The following PTPRC variants were observed in gnomAD, a reference collection of about 807,000 sequenced individuals.
PTPRC encodes the protein protein tyrosine phosphatase receptor type C.
Under a neutral mutation model 155.9 loss-of-function variants are expected in PTPRC, and 44 were observed. The observed-to-expected ratio is 0.28, with a 90% CI of 0.22 to 0.36. The LOEUF is 0.36. Ranked by LOEUF, PTPRC falls within the 10% of genes least tolerant of loss-of-function variation. PTPRC has a pLI of 1.00. For missense variants in PTPRC, 1,401 were observed against 1,564.6 expected (o/e 0.90, Z 1.76); for synonymous variants, 525 against 533.1 (o/e 0.98, Z 0.21).
chr1:198,685,343 C>T (rs2148316), intron 2 of PTPRC, among the ~76,000 whole-genome samples: 2,549 of 151,822 alleles, frequency 0.017, 68 homozygotes, highest in African/African-American at 0.059. Context: ...ATAAATAATG[C>T]TAACTCATTG....
At chr1:198,676,101 G>C (rs1664935517) in intron 2 of PTPRC, among the ~76,000 whole-genome samples, 1 of 151,448 alleles carries the variant, frequency 6.6e-6, no homozygotes. Flanking sequence ...ACTTGTAAAA[G>C]TTGTTGTTGT....
In PTPRC at chr1:198,716,813, A is replaced by C; in HGVS notation, c.1423A>C (p.Met475Leu). Residue 475 changes from methionine (M) to leucine (L), a missense_variant, in exon 13 of 33, where the codon ATG (methionine) becomes CTG (leucine). Physicochemically the swap from Met to Leu is conservative, Grantham distance 15. Coordinates refer to ENST00000442510, the MANE Select transcript of PTPRC (RefSeq NM_002838.5). ...AGTGCAACGTAATGGAAGTGCTGCA[A>C]TGTGTCATTTCACAACTAAAAGTGC... ...AKVQRNGSAAMCHFTTKSAPP... is the reference protein window; with the variant it reads ...AKVQRNGSAALCHFTTKSAPP... 1 of 1,613,676 alleles carries C rather than the reference A, an allele frequency of 6.2e-7. No homozygotes were observed. The highest frequency in any genetic ancestry group is 8.5e-7 in the Non-Finnish European group (1 of 1,179,934).
At chr1:198,729,904 G>A (rs1571876501) in intron 17 of PTPRC, among the ~76,000 whole-genome samples, 1 of 152,224 alleles carries the variant, frequency 6.6e-6, no homozygotes, top group Non-Finnish European at 1.5e-5. Context: ...GTGGTGGAGG[G>A]ACGAGTGGAT....
intron 32 of PTPRC, 53 bp downstream of exon 32, chr1:198,754,457 T>C (rs1655534047): frequency 1.3e-6 from 2 of 1,598,060 alleles, no homozygotes; most frequent in Non-Finnish European, 8.6e-7. Flanking sequence ...TTTTTTCTTT[T>C]TGACGGTTTC....
intron 2 of PTPRC, among the ~76,000 whole-genome samples, chr1:198,682,837 A>G (rs756288887): frequency 3.9e-5 from 6 of 152,204 alleles, no homozygotes; most frequent in African/African-American, 1.4e-4. Context: ...AAAAATAAGA[A>G]TCTACCCCTT....
intron 26 of PTPRC, among the ~76,000 whole-genome samples, chr1:198,747,077 A>G (rs1236506701): frequency 6.6e-6 from 1 of 151,778 alleles, no homozygotes; most frequent in Admixed American, 6.6e-5. Flanking sequence ...AGTTTCAGTT[A>G]TTTGTAACAT....
At chr1:198,669,256 T>A (rs1471893172) in intron 2 of PTPRC, among the ~76,000 whole-genome samples, 1 of 152,166 alleles carries the variant, frequency 6.6e-6, no homozygotes, top group Non-Finnish European at 1.5e-5. Context: ...ATGCTTAGTG[T>A]TGTTTACCCT....
chr1:198,652,669 CTG>C, intron 2 of PTPRC, among the ~76,000 whole-genome samples: 1 of 151,248 alleles, frequency 6.6e-6, no homozygotes, highest in East Asian at 1.9e-4. Context: ...ATGTGAATAG[CTG>C]TGATTCCTCC....
At chr1:198,692,946 C>T in intron 3 of PTPRC, 7 of 915,194 alleles carry the variant, frequency 7.6e-6, no homozygotes, top group Non-Finnish European at 9.1e-6. Context: ...CAAATAAATT[C>T]ATACATAGTA....
chr1:198,652,582 G>A (rs61829718), intron 2 of PTPRC, among the ~76,000 whole-genome samples: 1 of 146,762 alleles, frequency 6.8e-6, no homozygotes, highest in Admixed American at 6.7e-5. Flanking sequence ...TTTTTTTTTG[G>A]TCATTGTTTC....
chr1:198,684,088 C>T (rs1665488020), intron 2 of PTPRC, among the ~76,000 whole-genome samples: 1 of 151,626 alleles, frequency 6.6e-6, no homozygotes, highest in African/African-American at 2.4e-5. Context: ...TTCAATTTGA[C>T]CATCATTGCA....
At chr1:198,752,845 T>A in intron 31 of PTPRC, 73 bp downstream of exon 31, 1 of 1,506,338 alleles carries the variant, frequency 6.6e-7, no homozygotes, top group Non-Finnish European at 9.2e-7. Context: ...TTGTCTTATC[T>A]AGTTATCCTC....
chr1:198,751,192 T>TATCA (rs1267325889), intron 29 of PTPRC, among the ~76,000 whole-genome samples: 1 of 152,082 alleles, frequency 6.6e-6, no homozygotes, highest in East Asian at 1.9e-4. Context: ...AATGTATCTA[T>TATCA]ATCATCCTTT....
intron 26 of PTPRC, 109 bp from the exon 27 acceptor site, chr1:198,748,000 A>C (rs1457750358): frequency 6.7e-7 from 1 of 1,482,826 alleles, no homozygotes; most frequent in African/African-American, 1.4e-5. Flanking sequence ...GAGCATATGC[A>C]AATTTCACAA....
chr1:198,742,626 A>C (rs1038486600), intron 25 of PTPRC, among the ~76,000 whole-genome samples: 6 of 151,888 alleles, frequency 4.0e-5, no homozygotes, highest in African/African-American at 1.4e-4. Flanking sequence ...CATATATCAG[A>C]TTGGCAAAAA....
chr1:198,649,660 G>C (rs1245466080), intron 2 of PTPRC, among the ~76,000 whole-genome samples: 3 of 151,714 alleles, frequency 2.0e-5, no homozygotes, highest in Non-Finnish European at 2.9e-5. Flanking sequence ...CAGTTTCCTC[G>C]TGTGTAAAAT....
chr1:198,726,536 G>A (rs537314817), intron 15 of PTPRC, among the ~76,000 whole-genome samples: 1 of 152,100 alleles, frequency 6.6e-6, no homozygotes, highest in South Asian at 2.1e-4. Context: ...TTTGCCCTAT[G>A]AGTCAAAGAA....
chr1:198,655,077 G>A (rs1446775293), intron 2 of PTPRC, among the ~76,000 whole-genome samples: 1 of 151,890 alleles, frequency 6.6e-6, no homozygotes, highest in African/African-American at 2.4e-5. Context: ...ACCAGAGAAT[G>A]TGTCTTCTAT....
intron 2 of PTPRC, among the ~76,000 whole-genome samples, chr1:198,682,792 G>C (rs1665413354): frequency 6.6e-6 from 1 of 152,024 alleles, no homozygotes; most frequent in Admixed American, 6.6e-5. Flanking sequence ...TTTTTGTTAG[G>C]CATAGGCCTG....
Sources: gnomAD v4.1 joint callset for allele counts (sites outside exome capture counted in the v4.1 genomes callset) on GRCh38, gnomAD v4.1.1 for gene constraint, MANE v1.5 for transcripts, NCBI Gene and HGNC (gene_info 2026-07-23, HGNC 2026-07-21) for gene names.